The following FNDC3A variants were observed in gnomAD, a reference collection of about 807,000 sequenced individuals.
FNDC3A encodes fibronectin type III domain containing 3A.
FNDC3A carries 32 observed loss-of-function variants against 148.9 expected under a neutral mutation model. That is an observed-to-expected ratio of 0.21 (90% confidence interval 0.16 to 0.29). FNDC3A has a LOEUF of 0.29. Ranked by LOEUF, FNDC3A falls within the 10% of genes least tolerant of loss-of-function variation. FNDC3A has a pLI of 1.00. For missense variants in FNDC3A, 1,191 were observed against 1,452.8 expected (o/e 0.82, Z 2.93); for synonymous variants, 472 against 473.6 (o/e 1.00, Z 0.04).
At chr13:49,112,710 G>A (rs1434405017) in intron 3 of FNDC3A, among the ~76,000 whole-genome samples, 2 of 152,092 alleles carry the variant, frequency 1.3e-5, no homozygotes, top group Non-Finnish European at 2.9e-5. Flanking sequence ...ACCACTTGGG[G>A]AGCTTAACCT....
chr13:49,067,549 T>C (rs1457893056), intron 2 of FNDC3A, among the ~76,000 whole-genome samples: 1 of 152,208 alleles, frequency 6.6e-6, no homozygotes. Flanking sequence ...GTACCATTAT[T>C]GGAACGCTAA....
At chr13:49,077,574 C>CGA in intron 3 of FNDC3A, among the ~76,000 whole-genome samples, 1 of 152,282 alleles carries the variant, frequency 6.6e-6, no homozygotes, top group East Asian at 1.9e-4. Flanking sequence ...AAATTTCTCT[C>CGA]TAAGTTGAAC....
intron 2 of FNDC3A, among the ~76,000 whole-genome samples, chr13:49,033,227 A>C (rs564873426): frequency 2.6e-5 from 4 of 152,302 alleles, no homozygotes; most frequent in African/African-American, 9.6e-5. Context: ...TTAAATTCTG[A>C]CTTGTTAACT....
intron 25 of FNDC3A, among the ~76,000 whole-genome samples, chr13:49,205,376 T>C (rs917880852): frequency 6.6e-6 from 1 of 152,218 alleles, no homozygotes; most frequent in African/African-American, 2.4e-5. Context: ...TTCAGTGTTA[T>C]GTATACAATT....
At chr13:49,030,594 A>T (rs1593493649) in intron 2 of FNDC3A, among the ~76,000 whole-genome samples, 4 of 152,218 alleles carry the variant, frequency 2.6e-5, no homozygotes, top group Non-Finnish European at 5.9e-5. Context: ...AGAGAACATG[A>T]TCTTGTAAAA....
chr13:49,034,468 C>G (rs1490212380), intron 2 of FNDC3A, among the ~76,000 whole-genome samples: 2 of 151,976 alleles, frequency 1.3e-5, no homozygotes, highest in Non-Finnish European at 2.9e-5. Flanking sequence ...ATATAACTTT[C>G]ATCACAAAAC....
chr13:49,190,857 A>AT (rs1207891291), intron 17 of FNDC3A, among the ~76,000 whole-genome samples, 158 bp from the exon 18 acceptor site: 2 of 151,588 alleles, frequency 1.3e-5, no homozygotes, highest in African/African-American at 2.4e-5. Context: ...TTGGGTTTTC[A>AT]TTTTTTTTCA....
In FNDC3A at chr13:49,187,093, G is replaced by A. The variant is rs372884624; in HGVS notation, c.1757-29G>A. ...TCATTTTTATGTTGTTTTGTACCTT[G>A]CCTAATACTACTTTGCTTCTTTGGA... On this transcript the variant is annotated intron_variant, in intron 15 of 25. Transcript: ENST00000492622. 21 of 1,527,478 alleles carry A rather than the reference G, an allele frequency of 1.4e-5. No homozygotes were observed. The African/African-American group carries it at 2.3e-4, about 17-fold the overall frequency. 94.6% of individuals were successfully genotyped at this position (1,527,478 alleles called of 1,614,324 possible).
intron 7 of FNDC3A, among the ~76,000 whole-genome samples, chr13:49,142,716 G>A (rs150665399): frequency 6.4e-4 from 98 of 152,250 alleles, no homozygotes; most frequent in African/African-American, 2.0e-3. Flanking sequence ...ACTCATTCCT[G>A]TACTAATTAC....
At chr13:49,016,609 T>G (rs1441264301) in intron 2 of FNDC3A, among the ~76,000 whole-genome samples, 1 of 152,034 alleles carries the variant, frequency 6.6e-6, no homozygotes, top group Non-Finnish European at 1.5e-5. Flanking sequence ...CCTTCAGTTC[T>G]GCTCTGATTT....
chr13:49,014,604 T>C (rs927812784), intron 2 of FNDC3A, among the ~76,000 whole-genome samples: 1 of 151,562 alleles, frequency 6.6e-6, no homozygotes, highest in Non-Finnish European at 1.5e-5. Flanking sequence ...TTAGTTTCAT[T>C]AGATCCCATT....
intron 2 of FNDC3A, among the ~76,000 whole-genome samples, chr13:49,009,427 A>T (rs1482590461): frequency 6.6e-6 from 1 of 152,164 alleles, no homozygotes; most frequent in Admixed American, 6.6e-5. Context: ...TTAAACATTC[A>T]TGTGCAGATT....
chr13:49,017,950 A>G (rs1024248853), intron 2 of FNDC3A, among the ~76,000 whole-genome samples: 1 of 152,148 alleles, frequency 6.6e-6, no homozygotes, highest in Non-Finnish European at 1.5e-5. Flanking sequence ...TCTGGCTTGT[A>G]GAGTTTCTGC....
At chr13:49,120,534 A>G (rs1881265594) in intron 4 of FNDC3A, among the ~76,000 whole-genome samples, 1 of 152,190 alleles carries the variant, frequency 6.6e-6, no homozygotes, top group African/African-American at 2.4e-5. Flanking sequence ...CAATTAAAAG[A>G]CACAGACAGG....
intron 2 of FNDC3A, among the ~76,000 whole-genome samples, chr13:49,027,649 TAA>T (rs375205448): frequency 2.0e-5 from 3 of 152,174 alleles, no homozygotes; most frequent in African/African-American, 7.2e-5. Flanking sequence ...TATTATGAGT[TAA>T]GAGGTTAATT....
chr13:49,077,588 T>G (rs1335334715), intron 3 of FNDC3A, among the ~76,000 whole-genome samples: 1 of 152,156 alleles, frequency 6.6e-6, no homozygotes, highest in African/African-American at 2.4e-5. Context: ...GTTGAACACA[T>G]GGACACAGAG....
At chr13:49,009,477 C>T (rs1444936433) in intron 2 of FNDC3A, among the ~76,000 whole-genome samples, 1 of 152,112 alleles carries the variant, frequency 6.6e-6, no homozygotes, top group African/African-American at 2.4e-5. Context: ...GGATAAATAC[C>T]TAGGAACATG....
intron 1 of FNDC3A, among the ~76,000 whole-genome samples, chr13:48,980,382 T>C (rs1012948145): frequency 2.0e-5 from 3 of 152,090 alleles, no homozygotes; most frequent in African/African-American, 4.8e-5. Flanking sequence ...AGAAGTAGTC[T>C]AGGATGAGTT....
At chr13:49,108,351 A>T (rs1880333300) in intron 3 of FNDC3A, among the ~76,000 whole-genome samples, 1 of 152,186 alleles carries the variant, frequency 6.6e-6, no homozygotes, top group African/African-American at 2.4e-5. Flanking sequence ...ATCTCAAGGA[A>T]GAAGGAACTT....
Sources: gnomAD v4.1 joint callset for allele counts (sites outside exome capture counted in the v4.1 genomes callset) on GRCh38, gnomAD v4.1.1 for gene constraint, MANE v1.5 for transcripts, NCBI Gene and HGNC (gene_info 2026-07-23, HGNC 2026-07-21) for gene names.